Variants in PCDHGB1 observed in about 807,000 individuals in gnomAD.
The protein encoded by PCDHGB1 is protocadherin gamma-B1.
PCDHGB1 carries 34 observed loss-of-function variants against 56.6 expected under a neutral mutation model. That is an observed-to-expected ratio of 0.60 (90% CI 0.46 to 0.80). PCDHGB1 has a LOEUF of 0.80. PCDHGB1 is among the 30% of genes least tolerant of loss of function. The pLI, the probability that PCDHGB1 is intolerant of heterozygous loss-of-function variation, is 0.00. For missense variants in PCDHGB1, 1,278 were observed against 1,204.6 expected (o/e 1.06, Z -0.90); for synonymous variants, 561 against 505.9 (o/e 1.11, Z -1.46).
chr5:141,511,267 C>A lies in PCDHGB1; in HGVS notation c.*94C>A, dbSNP rs1223074819. The A allele has an allele frequency of 6.5e-7, 1 of 1,549,404 alleles. No individual in the cohort carries two copies. Among genetic ancestry groups the A allele is most frequent in the Non-Finnish European group, 8.7e-7 (1 of 1,146,836 alleles). Reference sequence around the variant, plus strand: ...CCAGGCCTCAGAGTTTCAGGGCTAACCCCCAGAATACTGGTAGGGGCCAAG... The same window carrying A: ...CCAGGCCTCAGAGTTTCAGGGCTAAACCCCAGAATACTGGTAGGGGCCAAG... On this transcript the variant is annotated 3_prime_UTR_variant, in exon 4 of 4. Coordinates refer to ENST00000523390, the MANE Select transcript of PCDHGB1 (RefSeq NM_018922.3).
chr5:141,479,572 T>G (rs956648090), intron 1 of PCDHGB1: 2 of 152,190 alleles, frequency 1.3e-5, no homozygotes, highest in African/African-American at 2.4e-5. Context: ...TGGGATGACA[T>G]CTGTGAATAG....
chr5:141,455,690 C>A (rs1209152869), intron 1 of PCDHGB1, among the ~76,000 whole-genome samples: 1 of 152,064 alleles, frequency 6.6e-6, no homozygotes, highest in East Asian at 1.9e-4. Context: ...CTGTGGGAAT[C>A]GCCAAGTTGA....
intron 1 of PCDHGB1, among the ~76,000 whole-genome samples, chr5:141,479,817 A>T (rs773702225): frequency 6.6e-6 from 1 of 152,230 alleles, no homozygotes; most frequent in Non-Finnish European, 1.5e-5. Flanking sequence ...CAAGGATACT[A>T]TCCAAGGCAT....
In PCDHGB1 at chr5:141,399,918, C is replaced by T. The variant is rs1163309827; in HGVS notation, c.2409+47249C>T. On this transcript the variant is annotated intron_variant, in intron 1 of 3. Coordinates refer to ENST00000523390, the MANE Select transcript of PCDHGB1 (RefSeq NM_018922.3). ...CCGTGGACGCAGACTCAGGACACAA[C>T]GCCTGGCTGTCCTACCACGTGCTGC... The T allele has an allele frequency of 4.3e-6, 7 of 1,612,240 alleles. No individual in the cohort carries two copies. In the East Asian group the frequency reaches 8.9e-5, roughly 21 times the overall value.
chr5:141,467,063 T>C (rs1405374001), intron 1 of PCDHGB1, among the ~76,000 whole-genome samples: 2 of 151,716 alleles, frequency 1.3e-5, no homozygotes, highest in African/African-American at 2.4e-5. Flanking sequence ...TTCTTTTTTT[T>C]TTTTTTTTAG....
At chr5:141,403,105 C>T in intron 1 of PCDHGB1, 1 of 1,614,056 alleles carries the variant, frequency 6.2e-7, no homozygotes. Flanking sequence ...TCTCCAAGGA[C>T]CTGGCTCTGG....
At chr5:141,357,582 T>C (rs748611529) in intron 1 of PCDHGB1, 1 of 1,614,204 alleles carries the variant, frequency 6.2e-7, no homozygotes, top group Admixed American at 1.7e-5. Flanking sequence ...TTCTGATAAC[T>C]CAGGATTTAC....
At chr5:141,371,511 G>T (rs747916078) in intron 1 of PCDHGB1, 7 of 1,613,850 alleles carry the variant, frequency 4.3e-6, no homozygotes, top group East Asian at 2.2e-5. Context: ...CAAAACACAT[G>T]ATCTAGATTC....
intron 1 of PCDHGB1, chr5:141,375,485 G>A (rs1478417043): frequency 6.2e-7 from 1 of 1,613,794 alleles, no homozygotes; most frequent in Non-Finnish European, 8.5e-7. Flanking sequence ...CAACCCCAGG[G>A]GTGCCTCCAT....
intron 1 of PCDHGB1, among the ~76,000 whole-genome samples, chr5:141,443,789 A>G (rs1316614117): frequency 6.6e-6 from 1 of 152,234 alleles, no homozygotes; most frequent in East Asian, 1.9e-4. Context: ...GACAAAAAAA[A>G]TGAAAAGGAA....
chr5:141,422,898 C>T (rs2096684110), intron 1 of PCDHGB1: 2 of 1,614,250 alleles, frequency 1.2e-6, no homozygotes, highest in Middle Eastern at 1.6e-4. Flanking sequence ...TGGACCAGAA[C>T]GACAATGCGC....
chr5:141,359,539 T>C (rs1181475445), intron 1 of PCDHGB1, among the ~76,000 whole-genome samples: 1 of 150,972 alleles, frequency 6.6e-6, no homozygotes, highest in Non-Finnish European at 1.5e-5. Flanking sequence ...CTATAAGAAA[T>C]AAATAGGAAA....
At chr5:141,464,008 G>A (rs1484928987) in intron 1 of PCDHGB1, among the ~76,000 whole-genome samples, 6 of 151,674 alleles carry the variant, frequency 4.0e-5, no homozygotes, top group Non-Finnish European at 7.4e-5. Flanking sequence ...GCTCATGCTT[G>A]TAATCCCACA....
intron 1 of PCDHGB1, among the ~76,000 whole-genome samples, chr5:141,381,361 G>T (rs1050283609): frequency 2.0e-5 from 3 of 152,198 alleles, no homozygotes; most frequent in Non-Finnish European, 4.4e-5. Context: ...CTAGCAGAGG[G>T]TAGCCTCGGA....
chr5:141,361,884 G>A (rs1017446737), intron 1 of PCDHGB1: 1 of 1,610,512 alleles, frequency 6.2e-7, no homozygotes, highest in Non-Finnish European at 8.5e-7. Flanking sequence ...GCGCCGCAGA[G>A]CCCGGCTACC....
At chr5:141,405,256 G>GATGTGATGCTCT (rs1316160577) in intron 1 of PCDHGB1, 2 of 1,614,050 alleles carry the variant, frequency 1.2e-6, no homozygotes, top group Non-Finnish European at 1.7e-6. Flanking sequence ...AGAGTCACCT[G>GATGTGATGCTCT]ATCTTCCCCC....
chr5:141,396,597 G>A (rs2150671251), intron 1 of PCDHGB1: 1 of 151,620 alleles, frequency 6.6e-6, no homozygotes, highest in Middle Eastern at 3.4e-3. Flanking sequence ...TCCAGCCTGG[G>A]CAACAGGGTG....
At chr5:141,360,424 G>A (rs1561520496) in intron 1 of PCDHGB1, 6 of 1,613,958 alleles carry the variant, frequency 3.7e-6, no homozygotes, top group Non-Finnish European at 3.4e-6. Context: ...ACAGATATGC[G>A]GGAAGCAGCC....
At chr5:141,444,774 AT>A (rs2098446962) in intron 1 of PCDHGB1, among the ~76,000 whole-genome samples, 1 of 152,018 alleles carries the variant, frequency 6.6e-6, no homozygotes, top group Non-Finnish European at 1.5e-5. Context: ...TATATTCTTG[AT>A]CATGTTTCAT....
Sources: gnomAD v4.1 joint callset for allele counts (sites outside exome capture counted in the v4.1 genomes callset) on GRCh38, gnomAD v4.1.1 for gene constraint, MANE v1.5 for transcripts, NCBI Gene and HGNC (gene_info 2026-07-23, HGNC 2026-07-21) for gene names.